CELSR3: variants seen among roughly 807,000 people sequenced by gnomAD.
CELSR3 encodes the protein EGF-like protein 1.
In CELSR3, 73 loss-of-function variants were observed where a neutral mutation model predicts 270.0. The observed-to-expected ratio is 0.27, with a 90% CI of 0.22 to 0.33. The LOEUF (loss-of-function observed/expected upper bound fraction) is 0.33. Ranked by LOEUF, CELSR3 falls within the 10% of genes least tolerant of loss-of-function variation. The probability of loss-of-function intolerance (pLI) is 1.00; values close to 1 mark genes in which losing one functional copy is unlikely to be tolerated. For synonymous variants in CELSR3, 1,780 were observed against 1,905.4 expected (o/e 0.93, Z 1.71); for missense variants, 3,614 against 4,533.8 (o/e 0.80, Z 5.83).
In CELSR3 at chr3:48,644,006, C is replaced by G; in HGVS notation, c.8165+210G>C. On this transcript the variant is annotated intron_variant, in intron 27 of 34. Coordinates refer to ENST00000164024, the MANE Select transcript of CELSR3 (RefSeq NM_001407.3). This position sits in a 1 kb window ranked among gnomAD's most constrained non-coding sequence, Gnocchi z 4.8. ...GGAGACTCTGGGGGGACCCAGAGGA[C>G]AAGGAGAGACAGCAGGGCAGAAGCA... 1.7e-6 allele frequency: 1 copy of G among 592,330 alleles called. No individual in the cohort carries two copies. Among genetic ancestry groups the G allele is most frequent in the Non-Finnish European group, 3.0e-6 (1 of 333,188 alleles). The allele number at this position is 592,330 out of a possible 1,614,324, so 36.7% of individuals were successfully genotyped here. A position where few individuals can be genotyped will look rare whatever the true frequency, so the allele number is the denominator to read the frequency against.
chr3:48,660,488 C>T lies in CELSR3; in HGVS notation c.2147G>A (p.Arg716His), dbSNP rs199769009. The T allele has an allele frequency of 3.1e-6, 5 of 1,614,174 alleles. No individual in the cohort carries two copies. Among genetic ancestry groups the T allele is most frequent in the Admixed American group, 3.3e-5 (2 of 60,028 alleles). Reference protein sequence around the residue: ...GWVSVSGPLDRESVEHYFFGV... With the variant: ...GWVSVSGPLDHESVEHYFFGV... ...AAAGAAGTAATGCTCCACAGACTCACGGTCCAGGGGACCACTCACAGAGAC... is the reference window on the plus strand; with the variant it reads ...AAAGAAGTAATGCTCCACAGACTCATGGTCCAGGGGACCACTCACAGAGAC... The change falls in exon 1 of 35, where the codon CGT (arginine) becomes CAT (histidine). Residue 716 changes from arginine (R) to histidine (H), a missense_variant. This residue lies in a region of CELSR3 where 215 missense variants were observed against 241.2 expected (regional missense o/e 0.89). Transcript: ENST00000164024. This position sits in a 1 kb window ranked among gnomAD's most constrained non-coding sequence, Gnocchi z 5.5.
Position 48,640,616 on chromosome 3 carries a change from G to A in CELSR3, c.9026-57C>T. The stretch of plus-strand genomic sequence containing the variant: ...TGTGTGGGAGGGGGAGGGCAGGCAG[G>A]AATTGCTGAGTCTAGGGGTGTGGCA... On this transcript the variant is annotated intron_variant, in intron 33 of 34. Transcript: ENST00000164024. The surrounding 1 kb of genome is among the most constrained non-coding windows in gnomAD (Gnocchi z 7.5). 6.8e-7 allele frequency: 1 copy of A among 1,476,994 alleles called. No homozygotes were observed. Among genetic ancestry groups the A allele is most frequent in the South Asian group, 1.3e-5 (1 of 74,286 alleles). The allele number at this position is 1,476,994 out of a possible 1,614,324, so 91.5% of individuals were successfully genotyped here. A position where few individuals can be genotyped will look rare whatever the true frequency, so the allele number is the denominator to read the frequency against.
At position 48,652,795 on chromosome 3, in the gene CELSR3, CAA is replaced by C. The variant is rs1279467348; in HGVS notation, c.5634+205_5634+206del. On this transcript the variant is annotated intron_variant, in intron 10 of 34. Transcript: ENST00000164024. This position sits in a 1 kb window ranked among gnomAD's most constrained non-coding sequence, Gnocchi z 4.3. ...ACAGAGGTTCCCCAAGACCAGGCCC[CAA>C]ATCTGGCACAAAGAGGGCTTGAGAG... Among the ~76,000 whole-genome samples the C allele has an allele frequency of 1.3e-5, 2 of 152,310 alleles. No homozygotes were observed. Among genetic ancestry groups the C allele is most frequent in the East Asian group, 3.9e-4 (2 of 5,188 alleles).
chr3:48,645,387 G>A lies in CELSR3; in HGVS notation c.7797+56C>T, dbSNP rs758584110. The A allele has an allele frequency of 2.5e-6, 4 of 1,601,730 alleles. No homozygotes were observed. In the East Asian group the frequency reaches 8.9e-5, roughly 36 times the overall value. ...CTCTGACCCTGAGTTTTGGCCCCAG[G>A]CCTCCTGGGCCAGTAGGGTCATCAG... is the stretch of plus-strand genomic sequence containing the variant. On this transcript the variant is annotated intron_variant, in intron 24 of 34. Transcript: ENST00000164024. This position sits in a 1 kb window ranked among gnomAD's most constrained non-coding sequence, Gnocchi z 5.4.
rs973895335 is a variant in CELSR3 at position 48,644,766 on chromosome 3, G to A, written c.8035C>T (p.His2679Tyr). Residue 2679 changes from histidine (H) to tyrosine (Y), a missense_variant, in exon 26 of 35, where the codon CAC (histidine) becomes TAC (tyrosine). His to Tyr is a moderately conservative substitution (Grantham distance 83, BLOSUM62 2). This residue lies in a region of CELSR3 where 1,240 missense variants were observed against 1,351.7 expected (regional missense o/e 0.92). Transcript: ENST00000164024. The surrounding 1 kb of genome is among the most constrained non-coding windows in gnomAD (Gnocchi z 4.8). ...GNPDFCWISV[H>Y]EPLIWSFAGP... Reference sequence around the variant, plus strand: ...GCAAAGCTCCAGATGAGGGGCTCGTGGACTGAGATCCAGCAGAAGTCAGGG... The same window carrying A: ...GCAAAGCTCCAGATGAGGGGCTCGTAGACTGAGATCCAGCAGAAGTCAGGG... The A allele has an allele frequency of 6.2e-7, 1 of 1,613,534 alleles. No individual in the cohort carries two copies. The highest frequency in any genetic ancestry group is 1.6e-4 in the Middle Eastern group (1 of 6,062).
At chr3:48,643,326 GGTCGAT>G (rs2047047364) in intron 28 of CELSR3, 1 of 672,728 alleles carries the variant, frequency 1.5e-6, no homozygotes, top group Non-Finnish European at 2.5e-6. Flanking sequence ...TGTTGGTGAA[GGTCGAT>G]CCAAGATCAG....
Position 48,642,351 on chromosome 3 carries a change from A to G in CELSR3, c.8665+7T>C, listed in dbSNP as rs763983094. On this transcript the variant is annotated splice_region_variant and intron_variant, in intron 31 of 34. Transcript: ENST00000164024. The surrounding 1 kb of genome is among the most constrained non-coding windows in gnomAD (Gnocchi z 6.1). ...TCCCTCCTCCCTGCCCCAGGCCCCAACTCCACCAGCATCTCGATGGAACAT... is the reference window on the plus strand; with the variant it reads ...TCCCTCCTCCCTGCCCCAGGCCCCAGCTCCACCAGCATCTCGATGGAACAT... 3.2e-5 allele frequency: 51 copies of G among 1,610,718 alleles called. No homozygotes were observed. Among genetic ancestry groups the G allele is most frequent in the Non-Finnish European group, 4.2e-5 (49 of 1,178,840 alleles).
intron 17 of CELSR3, 38 bp from the exon 18 acceptor site, chr3:48,648,966 A>C: frequency 6.2e-7 from 1 of 1,605,022 alleles, no homozygotes; most frequent in Non-Finnish European, 8.5e-7. Flanking sequence ...GTGGTCCCTT[A>C]GGCCTTCCTC....
chr3:48,652,444 C>T lies in CELSR3; in HGVS notation c.5744G>A (p.Cys1915Tyr). Residue 1915 changes from cysteine (C) to tyrosine (Y), a missense_variant, in exon 11 of 35, where the codon TGC becomes TAC. By Grantham distance (194) the Cys-to-Tyr change is radical. Coordinates refer to ENST00000164024, the MANE Select transcript of CELSR3 (RefSeq NM_001407.3). The surrounding 1 kb of genome is among the most constrained non-coding windows in gnomAD (Gnocchi z 4.3). ...TCCCATGCTGACCCCCACCTGGATG[C>T]AGCCAACCAGACCCTGAGGAGCCTC... ...AEEAPQGLVG[C>Y]IQGVWLGSTP... is the part of the protein sequence containing the mutation. 1 of 1,612,530 alleles carries T rather than the reference C, an allele frequency of 6.2e-7. No individual in the cohort carries two copies. Among genetic ancestry groups the T allele is most frequent in the Non-Finnish European group, 8.5e-7 (1 of 1,178,752 alleles).
Position 48,650,463 on chromosome 3 carries a change from T to TC in CELSR3, c.6472+16dup. ...CACCCCCACCCTCAGTGATGTCCTT[T>TC]CCCCCCACATACTCACCCAGGGCCC... is the stretch of plus-strand genomic sequence containing the variant. On this transcript the variant is annotated intron_variant, in intron 16 of 34. Coordinates refer to ENST00000164024, the MANE Select transcript of CELSR3 (RefSeq NM_001407.3). This position sits in a 1 kb window ranked among gnomAD's most constrained non-coding sequence, Gnocchi z 5.1. The TC allele has an allele frequency of 3.0e-6, 3 of 1,011,508 alleles. No individual in the cohort carries two copies. Among genetic ancestry groups the TC allele is most frequent in the Non-Finnish European group, 4.3e-6 (3 of 692,576 alleles). 62.7% of individuals were successfully genotyped at this position (1,011,508 alleles called of 1,614,324 possible).
rs1174459600 is a variant in CELSR3, at chr3:48,655,384, G to A, written c.4752C>T (p.Asn1584=). Residue 1584 remains asparagine, a synonymous_variant, in exon 5 of 35, where the codon AAC becomes AAT. Coordinates refer to ENST00000164024, the MANE Select transcript of CELSR3 (RefSeq NM_001407.3). The surrounding 1 kb of genome is among the most constrained non-coding windows in gnomAD (Gnocchi z 5.8). Reference sequence around the variant, plus strand: ...CTGGAACTGTGGGGCTGACCACGGTGTTGGATTCACCTGGAGGGGAGATGC... The same window carrying A: ...CTGGAACTGTGGGGCTGACCACGGTATTGGATTCACCTGGAGGGGAGATGC... ...VRLTYSTGES[N]TVVSPTVPGG... 8 of 1,614,116 alleles carry A rather than the reference G, an allele frequency of 5.0e-6. No individual in the cohort carries two copies. The highest frequency in any genetic ancestry group is 3.3e-5 in the Admixed American group (2 of 60,020).
Position 48,645,451 on chromosome 3 carries a change from G to A in CELSR3, c.7789C>T (p.His2597Tyr). The stretch of plus-strand genomic sequence containing the variant: ...TGGCCCTGATCCTGCACCTGATTGT[G>A]GGTCCTGTGAATCCCCAGCAGGAAG... ...LLFLLGIHRT[H>Y]NQLVCTAVAI... Residue 2597 changes from histidine to tyrosine, a missense_variant, in exon 24 of 35, where the codon CAC becomes TAC. Transcript: ENST00000164024. The surrounding 1 kb of genome is among the most constrained non-coding windows in gnomAD (Gnocchi z 5.4). 3.7e-6 allele frequency: 6 copies of A among 1,612,866 alleles called. No homozygotes were observed. The highest frequency in any genetic ancestry group is 5.1e-6 in the Non-Finnish European group (6 of 1,179,992).
Position 48,639,769 on chromosome 3 carries a change from G to A in CELSR3, c.9816C>T (p.Thr3272=). The A allele has an allele frequency of 6.2e-7, 1 of 1,613,802 alleles. No individual in the cohort carries two copies. The highest frequency in any genetic ancestry group is 1.1e-5 in the South Asian group (1 of 91,076). ...AGGCTGTGGCAGAAGGTGTGGCAGT[G>A]GTGTGAGGGCCCAAGGGTGTGCTTG... ...QSSSTPLGPH[T]TATPSATASV... Residue 3272 remains threonine, a synonymous_variant, in exon 34 of 35, where the codon ACC becomes ACT. Transcript: ENST00000164024. This position sits in a 1 kb window ranked among gnomAD's most constrained non-coding sequence, Gnocchi z 4.1.
Position 48,639,733 on chromosome 3 carries a change from C to A in CELSR3, c.9852G>T (p.Gly3284=). ...ATPSATASVL[G]PSTPRSATSH... ...ACGTGGCAGAACGTGGCGTGGAGGG[C>A]CCAAGCACAGAGGCTGTGGCAGAAG... Residue 3284 remains glycine (G), a synonymous_variant, in exon 34 of 35, where the codon GGG becomes GGT. Coordinates refer to ENST00000164024, the MANE Select transcript of CELSR3 (RefSeq NM_001407.3). The surrounding 1 kb of genome is among the most constrained non-coding windows in gnomAD (Gnocchi z 4.1). The A allele has an allele frequency of 6.2e-7, 1 of 1,613,036 alleles. No individual in the cohort carries two copies. Among genetic ancestry groups the A allele is most frequent in the Non-Finnish European group, 8.5e-7 (1 of 1,179,840 alleles).
At position 48,645,382 on chromosome 3, in the gene CELSR3, C is replaced by T. The variant is rs765364631; in HGVS notation, c.7797+61G>A. On this transcript the variant is annotated intron_variant, in intron 24 of 34. Coordinates refer to ENST00000164024, the MANE Select transcript of CELSR3 (RefSeq NM_001407.3). The surrounding 1 kb of genome is among the most constrained non-coding windows in gnomAD (Gnocchi z 5.4). ...CTGACCTCTGACCCTGAGTTTTGGC[C>T]CCAGGCCTCCTGGGCCAGTAGGGTC... is the stretch of plus-strand genomic sequence containing the variant. 14 of 1,603,206 alleles carry T rather than the reference C, an allele frequency of 8.7e-6. No individual in the cohort carries two copies. Among genetic ancestry groups the T allele is most frequent in the Non-Finnish European group, 1.2e-5 (14 of 1,171,860 alleles).
chr3:48,643,968 C>T, intron 27 of CELSR3: 1 of 584,504 alleles, frequency 1.7e-6, no homozygotes, highest in Non-Finnish European at 3.0e-6. Context: ...CAAAGTGAGC[C>T]ACCCAGGCCA....
At chr3:48,649,575 C>T (rs1013818684) in intron 16 of CELSR3, among the ~76,000 whole-genome samples, 16 of 152,182 alleles carry the variant, frequency 1.1e-4, no homozygotes, top group Admixed American at 1.0e-3. Context: ...TACGCAGACA[C>T]ACAATGCTCT....
Position 48,651,054 on chromosome 3 carries a change from C to T in CELSR3, c.6208G>A (p.Gly2070Ser). 1.3e-6 allele frequency: 2 copies of T among 1,574,788 alleles called. No homozygotes were observed. The highest frequency in any genetic ancestry group is 2.3e-5 in the South Asian group (2 of 85,110). The change falls in exon 15 of 35, where the codon GGC (glycine) becomes AGC (serine). Residue 2070 changes from glycine (G) to serine (S), a missense_variant. Physicochemically the swap from Gly to Ser is moderately conservative, Grantham distance 56. This residue lies in a region of CELSR3 where 1,331 missense variants were observed against 1,933.7 expected (regional missense o/e 0.69). Transcript: ENST00000164024. The surrounding 1 kb of genome is among the most constrained non-coding windows in gnomAD (Gnocchi z 7.4). ...TCACATGGGAGGCAAGAGTCACTGC[C>T]CCGCGGTCGGTAGTGGAACTCCTGT... The part of the protein sequence containing the change: ...HCKEFHYRPR[G>S]SDSCLPCDCY...
intron 16 of CELSR3, 122 bp from the exon 17 acceptor site, chr3:48,649,337 A>G (rs1471082596): frequency 1.1e-5 from 9 of 821,404 alleles, no homozygotes; most frequent in Non-Finnish European, 1.7e-5. Flanking sequence ...ATGAGCATCT[A>G]TAGCTGCACC....
Sources: gnomAD v4.1 joint callset for allele counts (sites outside exome capture counted in the v4.1 genomes callset) on GRCh38, gnomAD v4.1.1 for gene constraint, gnomAD v4.1.1 regional missense constraint, Gnocchi (gnomAD v3.1) non-coding constraint, MANE v1.5 for transcripts, NCBI Gene and HGNC (gene_info 2026-07-23, HGNC 2026-07-21) for gene names.